Variants in UGT1A8 observed in about 807,000 individuals in gnomAD.
UGT1A8 encodes the protein UDP-glucuronosyltransferase 1A8.
UGT1A8 carries 39 observed loss-of-function variants against 45.3 expected under a neutral mutation model. The observed-to-expected ratio is 0.86, with a 90% CI of 0.67 to 1.12. The LOEUF (loss-of-function observed/expected upper bound fraction) is 1.12. Ranked by LOEUF, UGT1A8 falls within the 50% of genes most tolerant of loss-of-function variation. UGT1A8 has a pLI of 0.00. For missense variants in UGT1A8, 719 were observed against 664.9 expected (o/e 1.08, Z -0.90); for synonymous variants, 275 against 249.2 (o/e 1.10, Z -0.97).
chr2:233,693,561 C>T lies in UGT1A8; in HGVS notation c.856-73473C>T, dbSNP rs751053554. 6.2e-7 allele frequency: 1 copy of T among 1,614,208 alleles called. No individual in the cohort carries two copies. Among genetic ancestry groups the T allele is most frequent in the Non-Finnish European group, 8.5e-7 (1 of 1,180,020 alleles). ...CTGGAGCATACATTCAGCAGAAGCC[C>T]AGACCCTGTGTCCTACATTCCCAGG... On this transcript the variant is annotated intron_variant, in intron 1 of 4. Transcript: ENST00000373450.
At chr2:233,676,509 G>T (rs546773074) in intron 1 of UGT1A8, among the ~76,000 whole-genome samples, 43 of 152,264 alleles carry the variant, frequency 2.8e-4, no homozygotes, top group African/African-American at 9.4e-4. Context: ...GCTAAAGTCT[G>T]TTTCCTTCAG....
At chr2:233,757,306 AGGGG>A in intron 1 of UGT1A8, among the ~76,000 whole-genome samples, 1 of 7,688 alleles carries the variant, frequency 1.3e-4, no homozygotes. Flanking sequence ...GTTGGGGGAC[AGGGG>A]GGCTGGGGCC....
chr2:233,747,846 A>G, intron 1 of UGT1A8: 1 of 1,613,572 alleles, frequency 6.2e-7, no homozygotes, highest in Non-Finnish European at 8.5e-7. Context: ...GCAAAGGGTC[A>G]AGAACATGCT....
At chr2:233,714,115 C>T (rs575148035) in intron 1 of UGT1A8, among the ~76,000 whole-genome samples, 6 of 152,210 alleles carry the variant, frequency 3.9e-5, no homozygotes, top group African/African-American at 1.4e-4. Context: ...GTGTGACTCA[C>T]GGAGACTGTT....
intron 1 of UGT1A8, among the ~76,000 whole-genome samples, chr2:233,666,950 T>C (rs547177711): frequency 6.6e-6 from 1 of 152,290 alleles, no homozygotes; most frequent in East Asian, 1.9e-4. Flanking sequence ...GTTTCCAGCT[T>C]CATCAATGTC....
intron 1 of UGT1A8, among the ~76,000 whole-genome samples, chr2:233,683,627 A>G (rs1205357250): frequency 2.0e-5 from 3 of 152,166 alleles, no homozygotes; most frequent in South Asian, 4.1e-4. Flanking sequence ...TTTTATTTCC[A>G]TAAATAAAAT....
At chr2:233,641,598 G>C (rs1442262902) in intron 1 of UGT1A8, among the ~76,000 whole-genome samples, 1 of 152,176 alleles carries the variant, frequency 6.6e-6, no homozygotes, top group African/African-American at 2.4e-5. Flanking sequence ...ACTATTACCA[G>C]TGAGTTTTGT....
intron 1 of UGT1A8, among the ~76,000 whole-genome samples, chr2:233,756,708 C>T (rs1399163610): frequency 6.6e-6 from 1 of 151,990 alleles, no homozygotes; most frequent in Admixed American, 6.6e-5. Flanking sequence ...TTTGGGGGGA[C>T]TTTTTTTGAG....
rs1297970201 is a variant in UGT1A8, at chr2:233,751,288, T to C, written c.856-15746T>C. 1.2e-4 allele frequency among the ~76,000 whole-genome samples: 18 copies of C among 151,952 alleles called. 3 individuals are homozygous for C. Among genetic ancestry groups the C allele is most frequent in the African/African-American group, 4.4e-4 (18 of 41,184 alleles). Reference sequence around the variant, plus strand: ...CCTTTTTTTGGCCAGTTTCTCCCATTTGGAATGGGAATATTTACCCAATTT... The same window carrying C: ...CCTTTTTTTGGCCAGTTTCTCCCATCTGGAATGGGAATATTTACCCAATTT... On this transcript the variant is annotated intron_variant, in intron 1 of 4. Transcript: ENST00000373450.
chr2:233,699,781 T>A (rs932467039), intron 1 of UGT1A8, among the ~76,000 whole-genome samples: 1 of 152,210 alleles, frequency 6.6e-6, no homozygotes, highest in Non-Finnish European at 1.5e-5. Context: ...TGTTCCCAAG[T>A]TTCCTCCTCT....
chr2:233,719,446 A>G (rs765990866), intron 1 of UGT1A8: 48 of 1,613,862 alleles, frequency 3.0e-5, no homozygotes, highest in Non-Finnish European at 2.5e-5. Context: ...ACATTCCTGC[A>G]AAGGGTCAAG....
At chr2:233,694,710 C>A (rs934435713) in intron 1 of UGT1A8, among the ~76,000 whole-genome samples, 1 of 152,132 alleles carries the variant, frequency 6.6e-6, no homozygotes, top group Non-Finnish European at 1.5e-5. Flanking sequence ...TTCTTTACAC[C>A]TGCTGATTTC....
chr2:233,690,850 T>C, intron 1 of UGT1A8: 2 of 1,067,618 alleles, frequency 1.9e-6, no homozygotes, highest in Non-Finnish European at 2.3e-6. Flanking sequence ...TGTTTTCTAA[T>C]ACCTTCTTAA....
intron 1 of UGT1A8, among the ~76,000 whole-genome samples, chr2:233,671,052 G>A (rs1403546687): frequency 6.6e-6 from 1 of 152,112 alleles, no homozygotes. Flanking sequence ...GCATAGCATG[G>A]GTACTGTGAA....
intron 1 of UGT1A8, chr2:233,682,499 T>G: frequency 6.2e-7 from 1 of 1,613,946 alleles, no homozygotes; most frequent in Non-Finnish European, 8.5e-7. Flanking sequence ...TGCTCCTCTT[T>G]CCTATGTCCC....
chr2:233,719,211 C>T, intron 1 of UGT1A8: 2 of 1,614,194 alleles, frequency 1.2e-6, no homozygotes, highest in Non-Finnish European at 1.7e-6. Flanking sequence ...TTGTGTGGAG[C>T]TACTGCATAA....
intron 1 of UGT1A8, among the ~76,000 whole-genome samples, chr2:233,696,658 T>C (rs770952566): frequency 5.3e-5 from 8 of 152,210 alleles, no homozygotes; most frequent in Non-Finnish European, 1.0e-4. Context: ...CTTCCAGTAC[T>C]ATGAAGAATA....
chr2:233,682,509 C>G, intron 1 of UGT1A8: 8 of 1,613,890 alleles, frequency 5.0e-6, no homozygotes, highest in Non-Finnish European at 6.8e-6. Context: ...TCCTATGTCC[C>G]CAGACTTCTC....
chr2:233,719,383 C>G (rs778111484), intron 1 of UGT1A8: 11 of 1,613,932 alleles, frequency 6.8e-6, no homozygotes, highest in Non-Finnish European at 9.3e-6. Flanking sequence ...ACACAGTGTC[C>G]AAATCCTTCC....
Sources: allele counts gnomAD v4.1 joint callset (sites outside exome capture counted in the v4.1 genomes callset), GRCh38; gene constraint gnomAD v4.1.1; transcripts MANE v1.5; gene names NCBI Gene and HGNC (gene_info 2026-07-23, HGNC 2026-07-21).